TMEM181: variants seen among roughly 807,000 people sequenced by gnomAD.
TMEM181 encodes transmembrane protein 181.
Under a neutral mutation model 71.9 loss-of-function variants are expected in TMEM181, and 39 were observed. The observed-to-expected ratio is 0.54, with a 90% CI of 0.42 to 0.71. The LOEUF (loss-of-function observed/expected upper bound fraction) is 0.71. Among genes scored for constraint, TMEM181 ranks in the 30% least tolerant of loss-of-function variants. The probability of loss-of-function intolerance (pLI) is 0.00; values close to 1 mark genes in which losing one functional copy is unlikely to be tolerated. For missense variants in TMEM181, 595 were observed against 583.0 expected (o/e 1.02, Z -0.21); for synonymous variants, 245 against 228.8 (o/e 1.07, Z -0.64).
chr6:158,600,452 G>C (rs1157174615), intron 6 of TMEM181, among the ~76,000 whole-genome samples: 1 of 125,338 alleles, frequency 8.0e-6, no homozygotes, highest in Non-Finnish European at 1.7e-5. Context: ...GCCTGGCCTA[G>C]GGTTAATTTT....
At chr6:158,570,255 T>C (rs1172977338) in intron 1 of TMEM181, among the ~76,000 whole-genome samples, 2 of 149,068 alleles carry the variant, frequency 1.3e-5, no homozygotes, top group Non-Finnish European at 3.0e-5. Flanking sequence ...TTTTTTGAGA[T>C]GGAGTCTTGC....
intron 10 of TMEM181, chr6:158,610,841 C>G: frequency 3.0e-6 from 1 of 331,510 alleles, no homozygotes; most frequent in Non-Finnish European, 5.8e-6. Flanking sequence ...CTGACATACT[C>G]ACACCAAGGA....
In TMEM181 at chr6:158,544,176, G is replaced by GGAGAGA. The variant is rs142404272; in HGVS notation, c.131+7313_131+7318dup. On this transcript the variant is annotated intron_variant, in intron 1 of 16. Coordinates refer to the TMEM181 transcript ENST00000367090. ...GCCTGAGGTTTCTCAGGTGCAAATT[G>GGAGAGA]GAGAGAGTGTGTGTGTGTGTGTGTG... Among the ~76,000 whole-genome samples the GGAGAGA allele has an allele frequency of 9.6e-4, 117 of 121,974 alleles. 1 individual carries two copies. The highest frequency in any genetic ancestry group is 1.2e-3 in the Non-Finnish European group (73 of 59,854). 80.0% of individuals were successfully genotyped at this position (121,974 alleles called of 152,430 possible).
At chr6:158,627,612 A>G (rs76369140) in intron 13 of TMEM181, among the ~76,000 whole-genome samples, 16 of 74,846 alleles carry the variant, frequency 2.1e-4, no homozygotes, top group Non-Finnish European at 4.5e-4. Context: ...AGAACAGGGC[A>G]CCGGCAGCCT....
chr6:158,541,803 C>T (rs1447676559), intron 1 of TMEM181, among the ~76,000 whole-genome samples: 1 of 150,272 alleles, frequency 6.7e-6, no homozygotes, highest in African/African-American at 2.5e-5. Context: ...TTATTGGGTA[C>T]ACCTCAGTGT....
rs140463569 is a variant in TMEM181 at position 158,562,568 on chromosome 6, C to T, written c.8+2336C>T. 1.2e-3 allele frequency among the ~76,000 whole-genome samples: 189 copies of T among 151,950 alleles called. 1 individual carries two copies. Among genetic ancestry groups the T allele is most frequent in the Non-Finnish European group, 2.1e-3 (142 of 67,984 alleles). On this transcript the variant is annotated intron_variant, in intron 1 of 16. Coordinates refer to ENST00000684151, the MANE Select transcript of TMEM181 (RefSeq NM_001376852.1). ...CAATGTAGAAGTGTATTAATTAGAA[C>T]CACCTTCGGCTAGCAGCAAAGCATG...
chr6:158,590,907 C>T (rs1276439341), intron 6 of TMEM181, among the ~76,000 whole-genome samples: 2 of 152,232 alleles, frequency 1.3e-5, no homozygotes, highest in African/African-American at 2.4e-5. Flanking sequence ...CTCTCTGTCC[C>T]CGTGGATTTG....
At chr6:158,550,727 T>C (rs1284136468) in intron 1 of TMEM181, among the ~76,000 whole-genome samples, 2 of 151,948 alleles carry the variant, frequency 1.3e-5, no homozygotes, top group Non-Finnish European at 2.9e-5. Flanking sequence ...ATTTTAGTAA[T>C]TTCATGGAAC....
At chr6:158,625,234 G>A in intron 12 of TMEM181, 28 bp downstream of exon 12, 1 of 1,599,460 alleles carries the variant, frequency 6.3e-7, no homozygotes, top group African/African-American at 1.3e-5. Context: ...AATCGGTGCA[G>A]GGGTGGCTTG....
rs942877185 is a variant in TMEM181 at position 158,635,300 on chromosome 6, G to A, written c.*3412G>A. The A allele has an allele frequency of 1.3e-5, 2 of 152,248 alleles. No individual in the cohort carries two copies. The highest frequency in any genetic ancestry group is 2.9e-5 in the Non-Finnish European group (2 of 68,042). 9.4% of individuals were successfully genotyped at this position (152,248 alleles called of 1,614,324 possible). A position where few individuals can be genotyped will look rare whatever the true frequency, so the allele number is the denominator to read the frequency against. On this transcript the variant is annotated 3_prime_UTR_variant, in exon 17 of 17. Transcript: ENST00000684151. ...GTTGTGGACCTGTCCGTGGGGCACA[G>A]TGCCACCCCATCACAGTGTTGCTGT...
intron 6 of TMEM181, 136 bp from the exon 7 acceptor site, chr6:158,605,131 A>AGTGTGT (rs71030178): frequency 0.034 from 5,507 of 159,656 alleles, 113 homozygotes; most frequent in African/African-American, 0.069. Flanking sequence ...AAAAAAAAAA[A>AGTGTGT]GTGTGTGTGT....
chr6:158,622,301 T>C (rs760792601), intron 10 of TMEM181, among the ~76,000 whole-genome samples: 5 of 152,244 alleles, frequency 3.3e-5, no homozygotes, highest in Admixed American at 6.5e-5. Context: ...TGTATTCTTA[T>C]GATGATGATG....
At chr6:158,569,322 A>T (rs1782677015) in intron 1 of TMEM181, among the ~76,000 whole-genome samples, 1 of 152,220 alleles carries the variant, frequency 6.6e-6, no homozygotes. Context: ...AAATGAAGAC[A>T]GCGGAAGCCA....
upstream of TMEM181, among the ~76,000 whole-genome samples, chr6:158,555,175 GTGTT>G (rs1019892118): frequency 6.6e-6 from 1 of 152,184 alleles, no homozygotes; most frequent in Non-Finnish European, 1.5e-5. Flanking sequence ...TTTCCTTCCT[GTGTT>G]TGTTTGGCTT....
At chr6:158,589,013 C>T (rs188777841) in intron 5 of TMEM181, among the ~76,000 whole-genome samples, 154 of 152,278 alleles carry the variant, frequency 1.0e-3, no homozygotes, top group African/African-American at 3.6e-3. Flanking sequence ...GGTTTGTCCT[C>T]CCTGCCACTC....
chr6:158,571,843 C>T (rs1030011582), intron 1 of TMEM181, among the ~76,000 whole-genome samples: 3 of 152,340 alleles, frequency 2.0e-5, no homozygotes, highest in African/African-American at 7.2e-5. Context: ...CTCTCCAGAC[C>T]TCACTTTCCC....
rs144124629 is a variant in TMEM181, at chr6:158,575,961, G to A, written c.112+2438G>A. On this transcript the variant is annotated intron_variant, in intron 2 of 16. Transcript: ENST00000684151. ...AAATTAAATTAAAATCAGATTCACG[G>A]TGTTTCCTTTGACTACTTCTTTTAA... 1.8e-3 allele frequency among the ~76,000 whole-genome samples: 270 copies of A among 152,286 alleles called. 1 individual carries two copies. Among genetic ancestry groups the A allele is most frequent in the Middle Eastern group, 6.8e-3 (2 of 294 alleles).
chr6:158,547,827 C>T (rs537942661), intron 1 of TMEM181, among the ~76,000 whole-genome samples: 5 of 133,888 alleles, frequency 3.7e-5, no homozygotes, highest in Non-Finnish European at 7.7e-5. Context: ...CCAGAAGTTG[C>T]GGTGAGTCGA....
intron 1 of TMEM181, among the ~76,000 whole-genome samples, chr6:158,542,572 GA>G (rs1429892086): frequency 7.2e-5 from 11 of 152,254 alleles, no homozygotes; most frequent in African/African-American, 2.6e-4. Context: ...GGGGTAAGCG[GA>G]GCTATTGCCC....
Sources: gnomAD v4.1 joint callset for allele counts (sites outside exome capture counted in the v4.1 genomes callset) on GRCh38, gnomAD v4.1.1 for gene constraint, MANE v1.5 for transcripts, NCBI Gene and HGNC (gene_info 2026-07-23, HGNC 2026-07-21) for gene names.